The following CACNB4 variants were observed in gnomAD, a reference collection of about 807,000 sequenced individuals.
CACNB4 encodes the protein voltage-dependent L-type calcium channel subunit beta-4.
In CACNB4, 32 loss-of-function variants were observed where a neutral mutation model predicts 71.2. The ratio of observed to expected loss-of-function variants is 0.45; its 90% CI spans 0.34 to 0.60. The LOEUF (loss-of-function observed/expected upper bound fraction) is 0.60, where lower values mean the gene tolerates loss of function less well. CACNB4 is among the 20% of genes least tolerant of loss of function. The pLI is 0.01. For synonymous variants in CACNB4, 231 were observed against 236.9 expected (o/e 0.97, Z 0.23); for missense variants, 464 against 647.9 (o/e 0.72, Z 3.08).
chr2:151,886,189 T>C (rs1359312281), intron 2 of CACNB4, among the ~76,000 whole-genome samples: 1 of 152,168 alleles, frequency 6.6e-6, no homozygotes, highest in Non-Finnish European at 1.5e-5. Flanking sequence ...GGATGTGTGA[T>C]GGACCATTCT....
intron 2 of CACNB4, among the ~76,000 whole-genome samples, chr2:151,989,441 C>T (rs576700151): frequency 6.6e-6 from 1 of 152,318 alleles, no homozygotes; most frequent in African/African-American, 2.4e-5. Context: ...TCTAATAGAA[C>T]CTCGTCTTAT....
chr2:151,921,187 T>TAA (rs5835389), intron 2 of CACNB4, among the ~76,000 whole-genome samples: 69,638 of 146,666 alleles, frequency 0.47, 20,881 homozygotes, highest in Non-Finnish European at 0.66. Flanking sequence ...ATAAATAAGT[T>TAA]AAAAAAAAAC....
intron 6 of CACNB4, 93 bp from the exon 7 acceptor site, chr2:151,870,954 C>A: frequency 2.2e-6 from 2 of 916,896 alleles, no homozygotes; most frequent in South Asian, 3.3e-5. Flanking sequence ...ACCCATTTGT[C>A]CCTGTAATTA....
chr2:151,911,796 C>T (rs1038417628), intron 2 of CACNB4, among the ~76,000 whole-genome samples: 3 of 151,984 alleles, frequency 2.0e-5, no homozygotes, highest in Non-Finnish European at 2.9e-5. Flanking sequence ...GCTGTGAATC[C>T]GTCTGGTCCT....
intron 2 of CACNB4, among the ~76,000 whole-genome samples, chr2:152,050,870 G>A (rs993647829): frequency 6.6e-6 from 1 of 152,060 alleles, no homozygotes; most frequent in Non-Finnish European, 1.5e-5. Flanking sequence ...GATCTACCGG[G>A]TTCAAGTGAT....
chr2:152,042,734 A>G (rs1372579396), intron 2 of CACNB4, among the ~76,000 whole-genome samples: 1 of 152,172 alleles, frequency 6.6e-6, no homozygotes, highest in African/African-American at 2.4e-5. Context: ...TTTGAACCAG[A>G]GCAACTCCAT....
chr2:151,929,168 A>G (rs898066458), intron 2 of CACNB4, among the ~76,000 whole-genome samples: 1 of 152,216 alleles, frequency 6.6e-6, no homozygotes, highest in East Asian at 1.9e-4. Context: ...AAGCAAGGAG[A>G]GATGGAACCA....
At chr2:151,862,172 C>T (rs982728826) in intron 9 of CACNB4, among the ~76,000 whole-genome samples, 3 of 152,150 alleles carry the variant, frequency 2.0e-5, no homozygotes, top group African/African-American at 7.2e-5. Context: ...GGGATTGAAG[C>T]AGGAAGGAGG....
chr2:152,057,984 C>A (rs750051595), intron 2 of CACNB4, among the ~76,000 whole-genome samples: 2 of 152,158 alleles, frequency 1.3e-5, no homozygotes, highest in Non-Finnish European at 2.9e-5. Flanking sequence ...ATCATGGAGG[C>A]AGTTTCCTTC....
intron 10 of CACNB4, chr2:151,859,982 C>T (rs2099841228): frequency 6.6e-6 from 1 of 152,152 alleles, no homozygotes; most frequent in Non-Finnish European, 1.5e-5. Context: ...CTAGTTAAAA[C>T]AAGTTGCCCT....
At chr2:152,025,649 G>A (rs12995261) in intron 2 of CACNB4, among the ~76,000 whole-genome samples, 66,840 of 152,062 alleles carry the variant, frequency 0.44, 17,063 homozygotes, top group Non-Finnish European at 0.59. Flanking sequence ...TGACACAACA[G>A]CCTCTCTTCT....
At chr2:152,056,463 GCCTCATCAA>G (rs1685736941) in intron 2 of CACNB4, among the ~76,000 whole-genome samples, 1 of 151,966 alleles carries the variant, frequency 6.6e-6, no homozygotes, top group African/African-American at 2.4e-5. Flanking sequence ...ACACACTCAA[GCCTCATCAA>G]CTTTCTCCAG....
chr2:151,843,525 A>C (rs1035999256), intron 12 of CACNB4, among the ~76,000 whole-genome samples: 13 of 152,120 alleles, frequency 8.5e-5, no homozygotes, highest in Admixed American at 8.5e-4. Flanking sequence ...CATGTTGCCC[A>C]GGCTGGTCTC....
Position 151,882,225 on chromosome 2 carries a change from G to A in CACNB4, c.267+1026C>T, listed in dbSNP as rs569472723. On this transcript the variant is annotated intron_variant, in intron 3 of 13. Transcript: ENST00000539935. ...TTTTTTTTTGGTAGGGTTTTGCTCTGTTGCCCAGGCTGGAGTGCACTGGTG... is the reference window on the plus strand; with the variant it reads ...TTTTTTTTTGGTAGGGTTTTGCTCTATTGCCCAGGCTGGAGTGCACTGGTG... 2.8e-3 allele frequency among the ~76,000 whole-genome samples: 271 copies of A among 97,936 alleles called. 2 individuals are homozygous for A. Among genetic ancestry groups the A allele is most frequent in the African/African-American group, 0.011 (262 of 24,778 alleles). The allele number at this position is 97,936 out of a possible 152,430, so 64.2% of individuals were successfully genotyped here.
chr2:151,923,237 T>C (rs1289187905), intron 2 of CACNB4, among the ~76,000 whole-genome samples: 2 of 152,196 alleles, frequency 1.3e-5, no homozygotes, highest in Non-Finnish European at 2.9e-5. Flanking sequence ...AGCTATTGCT[T>C]CTATTCTGAA....
chr2:151,934,670 C>A (rs2151614168), intron 2 of CACNB4, among the ~76,000 whole-genome samples: 2 of 152,180 alleles, frequency 1.3e-5, no homozygotes. Flanking sequence ...AACCCCGTCT[C>A]TACTAAAAAT....
At chr2:151,896,163 A>G (rs1001258994) in intron 2 of CACNB4, among the ~76,000 whole-genome samples, 1 of 152,178 alleles carries the variant, frequency 6.6e-6, no homozygotes, top group African/African-American at 2.4e-5. Flanking sequence ...TTCTTTCAAA[A>G]AGAATATTTC....
chr2:151,870,440 C>G (rs765570337), intron 8 of CACNB4, 91 bp downstream of exon 8: 2 of 1,060,420 alleles, frequency 1.9e-6, no homozygotes, highest in Admixed American at 2.0e-5. Context: ...TCAGGACCCA[C>G]GTGGAAACAG....
In CACNB4 at chr2:151,894,668, G is replaced by A. The variant is rs140051134; in HGVS notation, c.148-11298C>T. On this transcript the variant is annotated intron_variant, in intron 2 of 13. Coordinates refer to ENST00000539935, the MANE Select transcript of CACNB4 (RefSeq NM_000726.5). ...CTTAAATATATAGAAACCTAAAGACGCCACCAAAAAACTCTTAGAACTGAT... is the reference window on the plus strand; with the variant it reads ...CTTAAATATATAGAAACCTAAAGACACCACCAAAAAACTCTTAGAACTGAT... 4.2e-3 allele frequency among the ~76,000 whole-genome samples: 644 copies of A among 152,042 alleles called. 5 individuals carry two copies. The highest frequency in any genetic ancestry group is 0.014 in the African/African-American group (588 of 41,484).
Sources: gnomAD v4.1 joint callset for allele counts (sites outside exome capture counted in the v4.1 genomes callset) on GRCh38, gnomAD v4.1.1 for gene constraint, MANE v1.5 for transcripts, NCBI Gene and HGNC (gene_info 2026-07-23, HGNC 2026-07-21) for gene names.